Variants in ARK2N observed in about 807,000 individuals in gnomAD.
The protein encoded by ARK2N is protein ARK2N.
chr18:46,181,198 T>TG, the ARK2N span, among the ~76,000 whole-genome samples: 4 of 151,894 alleles, frequency 2.6e-5, no homozygotes, highest in Admixed American at 2.0e-4. Context: ...AGGTGAAAGT[T>TG]GCAGTGAGCA....
the ARK2N span, among the ~76,000 whole-genome samples, chr18:46,196,227 G>A: frequency 6.6e-6 from 1 of 151,798 alleles, no homozygotes; most frequent in Non-Finnish European, 1.5e-5. Flanking sequence ...TGATCCACCC[G>A]CCTCGGCCTC....
chr18:46,227,592 T>C, the ARK2N span, among the ~76,000 whole-genome samples: 4 of 152,072 alleles, frequency 2.6e-5, no homozygotes, highest in Non-Finnish European at 4.4e-5. Context: ...TAGAGGTCTC[T>C]GCATTTTTTT....
the ARK2N span, among the ~76,000 whole-genome samples, chr18:46,196,500 A>G: frequency 6.6e-6 from 1 of 151,648 alleles, no homozygotes; most frequent in East Asian, 1.9e-4. Context: ...TGACCTCGTG[A>G]TCCACCCGCC....
At chr18:46,190,181 G>A in the ARK2N span, among the ~76,000 whole-genome samples, 1 of 152,086 alleles carries the variant, frequency 6.6e-6, no homozygotes, top group South Asian at 2.1e-4. Flanking sequence ...AGAGATAGTT[G>A]TCAACATGGG....
chr18:46,257,221 G>A, the ARK2N span, among the ~76,000 whole-genome samples: 3 of 152,056 alleles, frequency 2.0e-5, no homozygotes, highest in Non-Finnish European at 2.9e-5. Context: ...TTGTTCTCTG[G>A]AATTGTGGCT....
At chr18:46,230,654 A>G in the ARK2N span, among the ~76,000 whole-genome samples, 2 of 152,208 alleles carry the variant, frequency 1.3e-5, no homozygotes, top group Non-Finnish European at 2.9e-5. Flanking sequence ...AATCTATCAG[A>G]TAATTTTTTT....
At chr18:46,239,013 T>C in the ARK2N span, among the ~76,000 whole-genome samples, 2 of 152,284 alleles carry the variant, frequency 1.3e-5, no homozygotes, top group East Asian at 3.9e-4. Context: ...TATTTCTGCT[T>C]TATATTAAAA....
chr18:46,186,321 G>A, the ARK2N span, among the ~76,000 whole-genome samples: 292 of 151,090 alleles, frequency 1.9e-3, 1 homozygote, highest in African/African-American at 6.8e-3. Flanking sequence ...TCAGCCTCCC[G>A]AGTGGTTGGG....
the ARK2N span, among the ~76,000 whole-genome samples, chr18:46,206,198 A>G: frequency 6.6e-6 from 1 of 151,314 alleles, no homozygotes; most frequent in Non-Finnish European, 1.5e-5. Flanking sequence ...TGATCTTCCC[A>G]TCTCAGTTCC....
At chr18:46,228,098 A>AT in the ARK2N span, among the ~76,000 whole-genome samples, 6 of 152,044 alleles carry the variant, frequency 3.9e-5, no homozygotes, top group East Asian at 1.9e-4. Flanking sequence ...CCTCAAACAG[A>AT]TTTTTTTTAA....
chr18:46,240,105 G>A, the ARK2N span: 1 of 1,614,224 alleles, frequency 6.2e-7, no homozygotes, highest in East Asian at 2.2e-5. Context: ...TAGTTCAAGA[G>A]CACAGTAATT....
the ARK2N span, among the ~76,000 whole-genome samples, chr18:46,187,473 C>A: frequency 1.3e-5 from 2 of 151,870 alleles, no homozygotes; most frequent in African/African-American, 4.8e-5. Flanking sequence ...TCCCGAGTAG[C>A]TGAGATTACA....
At chr18:46,224,521 A>G in the ARK2N span, among the ~76,000 whole-genome samples, 1 of 152,228 alleles carries the variant, frequency 6.6e-6, no homozygotes, top group Non-Finnish European at 1.5e-5. Flanking sequence ...GTGGTTCTCA[A>G]CTAAGGACAT....
At chr18:46,180,728 A>T in the ARK2N span, among the ~76,000 whole-genome samples, 1 of 151,974 alleles carries the variant, frequency 6.6e-6, no homozygotes, top group African/African-American at 2.4e-5. Context: ...CAATAAAAAC[A>T]AAACAAGCAA....
At chr18:46,180,374 C>T in the ARK2N span, among the ~76,000 whole-genome samples, 2 of 152,222 alleles carry the variant, frequency 1.3e-5, no homozygotes, top group African/African-American at 4.8e-5. Flanking sequence ...AACCCATTTA[C>T]TGAGCATTTA....
At chr18:46,216,622 T>C in the ARK2N span, 3 of 1,559,810 alleles carry the variant, frequency 1.9e-6, no homozygotes, top group Non-Finnish European at 2.6e-6. The surrounding 1 kb of genome is among the most constrained non-coding windows in gnomAD (Gnocchi z 4.3). Context: ...AAACTGACTG[T>C]AAAGTACCTG....
At chr18:46,209,080 G>GC in the ARK2N span, among the ~76,000 whole-genome samples, 1 of 152,150 alleles carries the variant, frequency 6.6e-6, no homozygotes, top group Non-Finnish European at 1.5e-5. Context: ...GTTGGAGGGA[G>GC]CTAGGGTGTG....
chr18:46,238,217 C>A, the ARK2N span, among the ~76,000 whole-genome samples: 1 of 152,060 alleles, frequency 6.6e-6, no homozygotes, highest in Non-Finnish European at 1.5e-5. Flanking sequence ...GCAAGAGGCT[C>A]TGAATGGTAT....
At chr18:46,188,300 A>C in the ARK2N span, among the ~76,000 whole-genome samples, 1,874 of 152,178 alleles carry the variant, frequency 0.012, 49 homozygotes, top group African/African-American at 0.043. Context: ...TCCCGGGTTC[A>C]AGTGATTCTC....
Sources: allele counts gnomAD v4.1 joint callset (sites outside exome capture counted in the v4.1 genomes callset), GRCh38; gene constraint gnomAD v4.1.1; non-coding constraint Gnocchi (gnomAD v3.1); transcripts MANE v1.5; gene names NCBI Gene and HGNC (gene_info 2026-07-23, HGNC 2026-07-21).